Variants in ANKRD11 observed in about 807,000 individuals in gnomAD.
ANKRD11 encodes ankyrin repeat domain 11.
ANKRD11 carries 17 observed loss-of-function variants against 195.7 expected under a neutral mutation model. The observed-to-expected ratio is 0.09, with a 90% CI of 0.06 to 0.13. The LOEUF (loss-of-function observed/expected upper bound fraction) is 0.13, where lower values mean the gene tolerates loss of function less well. Among genes scored for constraint, ANKRD11 ranks in the 10% least tolerant of loss-of-function variants. The pLI is 1.00. For synonymous variants in ANKRD11, 1,953 were observed against 1,528.1 expected, an observed-to-expected ratio of 1.28 and a Z score of -6.49; for missense variants, 3,735 against 3,566.1, an observed-to-expected ratio of 1.05 and a Z score of -1.21.
intron 2 of ANKRD11, among the ~76,000 whole-genome samples, chr16:89,349,661 T>A (rs1365296553): frequency 6.6e-6 from 1 of 152,150 alleles, no homozygotes; most frequent in East Asian, 1.9e-4. Flanking sequence ...ATTTCATAAT[T>A]GAAGTAAATA....
chr16:89,375,975 G>A (rs1897633818), intron 2 of ANKRD11, among the ~76,000 whole-genome samples: 1 of 152,182 alleles, frequency 6.6e-6, no homozygotes, highest in African/African-American at 2.4e-5. Flanking sequence ...GTGCTCTGCT[G>A]TGGATGCTTT....
chr16:89,354,782 A>G (rs763911979), intron 2 of ANKRD11, among the ~76,000 whole-genome samples: 2 of 152,102 alleles, frequency 1.3e-5, no homozygotes, highest in Non-Finnish European at 2.9e-5. Flanking sequence ...CTCATAAGGG[A>G]GGCTGAGGCA....
At position 89,317,071 on chromosome 16, in the gene ANKRD11, A is replaced by G; in HGVS notation, c.-52T>C. ...TTACACGGCCGGCGCTTCATCATCAACCGTCTGCTTCAAAAGAGAAGACAC... is the reference window on the plus strand; with the variant it reads ...TTACACGGCCGGCGCTTCATCATCAGCCGTCTGCTTCAAAAGAGAAGACAC... On this transcript the variant is annotated 5_prime_UTR_variant, in exon 3 of 13. Transcript: ENST00000301030. 1.3e-6 allele frequency: 2 copies of G among 1,566,504 alleles called. No individual in the cohort carries two copies. Among genetic ancestry groups the G allele is most frequent in the South Asian group, 2.3e-5 (2 of 87,078 alleles).
chr16:89,404,685 C>T (rs2041836624), intron 2 of ANKRD11, among the ~76,000 whole-genome samples: 1 of 152,234 alleles, frequency 6.6e-6, no homozygotes, highest in African/African-American at 2.4e-5. Context: ...CACAAAGTGG[C>T]ATGTTCAACC....
rs1018146099 is a variant in ANKRD11, at chr16:89,418,099, A to T, written c.-60+185T>A. Among the ~76,000 whole-genome samples the T allele has an allele frequency of 7.2e-5, 11 of 152,226 alleles. 1 individual carries two copies. Among genetic ancestry groups the T allele is most frequent in the Non-Finnish European group, 1.3e-4 (9 of 68,030 alleles). On this transcript the variant is annotated intron_variant, in intron 2 of 12. Coordinates refer to ENST00000301030, the MANE Select transcript of ANKRD11 (RefSeq NM_013275.6). Reference sequence around the variant, plus strand: ...CCAAGGATCCCATTCATTAATCCAAAAATGCTTACCTGTTACCACTCTGAA... The same window carrying T: ...CCAAGGATCCCATTCATTAATCCAATAATGCTTACCTGTTACCACTCTGAA...
At chr16:89,441,719 A>G (rs551715215) in intron 1 of ANKRD11, among the ~76,000 whole-genome samples, 19 of 133,986 alleles carry the variant, frequency 1.4e-4, no homozygotes, top group Non-Finnish European at 2.5e-4. Flanking sequence ...GTGAGCCAAG[A>G]TCGTGCCACT....
chr16:89,488,564 G>A (rs2057699386), intron 1 of ANKRD11, among the ~76,000 whole-genome samples: 1 of 151,932 alleles, frequency 6.6e-6, no homozygotes, highest in Non-Finnish European at 1.5e-5. Flanking sequence ...AGAAATCAAG[G>A]TCTCAGAGAA....
chr16:89,403,404 C>T (rs1480759798), intron 2 of ANKRD11, among the ~76,000 whole-genome samples: 2 of 152,128 alleles, frequency 1.3e-5, no homozygotes, highest in Non-Finnish European at 1.5e-5. Flanking sequence ...GCAGAGCACA[C>T]GCAGGTGAGG....
At chr16:89,273,105 G>A (rs955238439) in intron 11 of ANKRD11, 1 of 151,760 alleles carries the variant, frequency 6.6e-6, no homozygotes, top group Non-Finnish European at 1.5e-5. Context: ...GCACAATAGG[G>A]TAACTGTAGT....
chr16:89,441,054 C>A (rs530213887), intron 1 of ANKRD11, among the ~76,000 whole-genome samples: 72 of 151,210 alleles, frequency 4.8e-4, no homozygotes, highest in African/African-American at 1.7e-3. Flanking sequence ...TGGCTAACAC[C>A]GTGAAACCCT....
At chr16:89,356,615 C>G (rs917628020) in intron 2 of ANKRD11, among the ~76,000 whole-genome samples, 4 of 113,332 alleles carry the variant, frequency 3.5e-5, no homozygotes, top group African/African-American at 1.3e-4. Flanking sequence ...ACTAAAAATA[C>G]AAAAAAAAAA....
chr16:89,476,436 G>A (rs767603849), intron 1 of ANKRD11, among the ~76,000 whole-genome samples: 8 of 152,156 alleles, frequency 5.3e-5, no homozygotes, highest in Admixed American at 1.3e-4. Flanking sequence ...GCTTTGTAAC[G>A]ATATCATTTA....
intron 2 of ANKRD11, among the ~76,000 whole-genome samples, chr16:89,343,975 C>T (rs981424791): frequency 6.6e-6 from 1 of 152,226 alleles, no homozygotes; most frequent in African/African-American, 2.4e-5. Flanking sequence ...CCAGCTCTGA[C>T]CGACTGAACC....
intron 1 of ANKRD11, among the ~76,000 whole-genome samples, chr16:89,443,632 C>T (rs990154384): frequency 6.6e-6 from 1 of 152,158 alleles, no homozygotes; most frequent in African/African-American, 2.4e-5. Flanking sequence ...CAATACCCTC[C>T]GCACCCAGAA....
At chr16:89,304,951 C>T (rs1204507574) in intron 4 of ANKRD11, 7 of 560,558 alleles carry the variant, frequency 1.2e-5, no homozygotes, top group Middle Eastern at 4.6e-4. Flanking sequence ...GGACATGCAC[C>T]GGGTGCATCT....
chr16:89,416,295 C>A (rs1299440184), intron 2 of ANKRD11, among the ~76,000 whole-genome samples: 1 of 151,902 alleles, frequency 6.6e-6, no homozygotes, highest in Non-Finnish European at 1.5e-5. Flanking sequence ...TATTTTGAAT[C>A]CATCGATTTT....
intron 2 of ANKRD11, among the ~76,000 whole-genome samples, chr16:89,384,479 G>A (rs541931437): frequency 6.6e-6 from 1 of 151,942 alleles, no homozygotes; most frequent in African/African-American, 2.4e-5. Context: ...GACAAGATGG[G>A]AATGGGACGA....
At chr16:89,441,256 G>A (rs1369314341) in intron 1 of ANKRD11, among the ~76,000 whole-genome samples, 2 of 151,510 alleles carry the variant, frequency 1.3e-5, no homozygotes, top group Admixed American at 6.6e-5. Context: ...AAGTTTCCTC[G>A]CTATGCATGC....
chr16:89,368,885 A>G lies in ANKRD11; in HGVS notation c.-60+49399T>C, dbSNP rs1426124647. Among the ~76,000 whole-genome samples, 3 of 152,244 alleles carry G rather than the reference A, an allele frequency of 2.0e-5. No individual in the cohort carries two copies. In the East Asian group the frequency reaches 5.8e-4, roughly 29 times the overall value. On this transcript the variant is annotated intron_variant, in intron 2 of 12. Transcript: ENST00000301030. ...ACTGCACTCAAATCTAGGGGAGGAG[A>G]AAGACTCTGTTTCCAAAAATTTAAA...
Sources: gnomAD v4.1 joint callset for allele counts (sites outside exome capture counted in the v4.1 genomes callset) on GRCh38, gnomAD v4.1.1 for gene constraint, MANE v1.5 for transcripts, NCBI Gene and HGNC (gene_info 2026-07-23, HGNC 2026-07-21) for gene names.